Variants in CCDC12 observed in about 807,000 individuals in gnomAD.
The protein encoded by CCDC12 is coiled-coil domain containing 12, also known as coiled-coil domain-containing protein 12.
Under a neutral mutation model 25.7 loss-of-function variants are expected in CCDC12, and 28 were observed. The observed-to-expected ratio is 1.09, with a 90% CI of 0.81 to 1.50. CCDC12 has a LOEUF of 1.50. CCDC12 is among the 40% of genes most tolerant of loss of function. The pLI is 0.00. For synonymous variants in CCDC12, 75 were observed against 87.7 expected, an observed-to-expected ratio of 0.86 and a Z score of 0.81; for missense variants, 198 against 210.0, an observed-to-expected ratio of 0.94 and a Z score of 0.35.
intron 1 of CCDC12, among the ~76,000 whole-genome samples, chr3:46,949,662 G>A (rs574979522): frequency 6.6e-6 from 1 of 152,278 alleles, no homozygotes; most frequent in South Asian, 2.1e-4. Flanking sequence ...TTTAACAGGG[G>A]CATGTGAGGA....
chr3:46,979,178 C>T (rs1297521576), upstream of CCDC12, among the ~76,000 whole-genome samples: 1 of 152,200 alleles, frequency 6.6e-6, no homozygotes, highest in African/African-American at 2.4e-5. Context: ...GGGAGGGCAC[C>T]GCGGCCCCGA....
intron 1 of CCDC12, among the ~76,000 whole-genome samples, chr3:46,974,468 G>A (rs2034904682): frequency 6.6e-6 from 1 of 152,076 alleles, no homozygotes; most frequent in African/African-American, 2.4e-5. Context: ...CCTCAAACCC[G>A]GCCCCAATAA....
At chr3:46,978,089 A>C (rs1384115569), upstream of CCDC12, among the ~76,000 whole-genome samples, 1 of 152,052 alleles carries the variant, frequency 6.6e-6, no homozygotes, top group Non-Finnish European at 1.5e-5. Context: ...TTCCCTTCCC[A>C]AGCTGGCTAC....
In CCDC12 at chr3:46,949,824, C is replaced by A. The variant is rs529244647; in HGVS notation, c.97-8759G>T. On this transcript the variant is annotated intron_variant, in intron 1 of 6. Transcript: ENST00000683445. ...CAGGTGGATCATAAGGTCAGGAGTT[C>A]GAGACCAGCCTGGCCAATATGGTGA... Among the ~76,000 whole-genome samples, 4 of 152,166 alleles carry A rather than the reference C, an allele frequency of 2.6e-5. No individual in the cohort carries two copies. In the South Asian group the frequency reaches 6.2e-4, roughly 24 times the overall value.
intron 2 of CCDC12, among the ~76,000 whole-genome samples, chr3:46,934,131 T>C (rs1052767280): frequency 3.3e-5 from 5 of 152,242 alleles, no homozygotes; most frequent in African/African-American, 7.2e-5. Flanking sequence ...TAAACGTTTA[T>C]GGCAGATGAG....
intron 2 of CCDC12, among the ~76,000 whole-genome samples, chr3:46,928,946 A>G (rs74329600): frequency 1.8e-3 from 273 of 152,302 alleles, no homozygotes; most frequent in African/African-American, 6.3e-3. Context: ...AGCTATGATC[A>G]CACTCTGCAC....
intron 1 of CCDC12, among the ~76,000 whole-genome samples, chr3:46,944,409 C>T (rs2033827871): frequency 1.3e-5 from 2 of 152,230 alleles, no homozygotes; most frequent in Admixed American, 1.3e-4. Flanking sequence ...GATGCGGCCA[C>T]AGCCAGCCCA....
chr3:46,966,854 C>G (rs2034657237), intron 1 of CCDC12, among the ~76,000 whole-genome samples: 2 of 152,218 alleles, frequency 1.3e-5, no homozygotes, highest in Non-Finnish European at 2.9e-5. Context: ...GCTCACCTAT[C>G]ACCTTGTCTT....
intron 2 of CCDC12, among the ~76,000 whole-genome samples, chr3:46,939,976 GAT>G (rs2033628739): frequency 6.6e-6 from 1 of 152,156 alleles, no homozygotes; most frequent in African/African-American, 2.4e-5. Context: ...AGCCCATCAA[GAT>G]CTACACCCCC....
At chr3:46,960,254 A>G (rs1426574130) in intron 1 of CCDC12, among the ~76,000 whole-genome samples, 1 of 151,896 alleles carries the variant, frequency 6.6e-6, no homozygotes, top group Non-Finnish European at 1.5e-5. Flanking sequence ...CAACAATAAC[A>G]CTTGTAACAG....
intron 1 of CCDC12, among the ~76,000 whole-genome samples, chr3:46,941,929 T>C (rs1184351938): frequency 6.6e-6 from 1 of 152,248 alleles, no homozygotes; most frequent in African/African-American, 2.4e-5. Context: ...CCTAGGCCTA[T>C]GCTATATTCA....
At chr3:46,944,596 C>T (rs917620651) in intron 1 of CCDC12, among the ~76,000 whole-genome samples, 11 of 152,016 alleles carry the variant, frequency 7.2e-5, no homozygotes, top group African/African-American at 2.4e-4. Context: ...CATCTTCTCC[C>T]TCCTTCCCAA....
At position 46,925,663 on chromosome 3, in the gene CCDC12, AAGG is replaced by A; in HGVS notation, c.165-131_165-129del. Reference sequence around the variant, plus strand: ...CTGCACTCTCTGGAGATAGCCTGGTAAGGAGGAGAAGCACAGAATGGAGTGTCA... The same window carrying A: ...CTGCACTCTCTGGAGATAGCCTGGTAAGGAGAAGCACAGAATGGAGTGTCA... On this transcript the variant is annotated intron_variant, in intron 2 of 6. Transcript: ENST00000683445. The A allele has an allele frequency of 7.5e-6, 6 of 801,506 alleles. No individual in the cohort carries two copies. In the East Asian group the frequency reaches 8.2e-5, roughly 11 times the overall value. The allele number at this position is 801,506 out of a possible 1,614,324, so 49.6% of individuals were successfully genotyped here.
intron 1 of CCDC12, among the ~76,000 whole-genome samples, chr3:46,957,297 T>C (rs912910733): frequency 2.6e-5 from 4 of 152,200 alleles, no homozygotes; most frequent in African/African-American, 9.7e-5. Context: ...AACTGTAGTA[T>C]CTAGTACTCG....
At chr3:46,968,611 A>T (rs2034709489) in intron 1 of CCDC12, among the ~76,000 whole-genome samples, 1 of 152,174 alleles carries the variant, frequency 6.6e-6, no homozygotes, top group African/African-American at 2.4e-5. Flanking sequence ...AGTACCATAG[A>T]TGCGATTAAT....
intron 2 of CCDC12, among the ~76,000 whole-genome samples, chr3:46,931,284 G>C (rs756795116): frequency 1.3e-4 from 20 of 152,218 alleles, no homozygotes; most frequent in Non-Finnish European, 2.6e-4. Context: ...GCTGGCCAGG[G>C]AGGTTCAGGG....
chr3:46,921,809 T>C lies in CCDC12; in HGVS notation c.*248A>G, dbSNP rs888443155. 3.8e-5 allele frequency: 22 copies of C among 573,762 alleles called. No homozygotes were observed. Among genetic ancestry groups the C allele is most frequent in the Non-Finnish European group, 6.2e-5 (20 of 320,696 alleles). 35.5% of individuals were successfully genotyped at this position (573,762 alleles called of 1,614,324 possible). A position where few individuals can be genotyped will look rare whatever the true frequency, so the allele number is the denominator to read the frequency against. ...CAAAATATATACATATATACAGACA[T>C]ATGTACATCCACATGTGCAGACACA... On this transcript the variant is annotated 3_prime_UTR_variant, in exon 7 of 7. Coordinates refer to ENST00000683445, the MANE Select transcript of CCDC12 (RefSeq NM_001277074.2).
rs2032776573 is a variant in CCDC12, at chr3:46,923,378, GAC to G, written c.307-17_307-16del. 2 of 1,501,606 alleles carry G rather than the reference GAC, an allele frequency of 1.3e-6. No individual in the cohort carries two copies. The highest frequency in any genetic ancestry group is 1.4e-5 in the African/African-American group (1 of 71,024). The allele number at this position is 1,501,606 out of a possible 1,614,324, so 93.0% of individuals were successfully genotyped here. A position where few individuals can be genotyped will look rare whatever the true frequency, so the allele number is the denominator to read the frequency against. ...TTGGCCAGGTCCTGGGAAGGGAGGA[GAC>G]ACACATCAGGGTGGAGGGGCCACCC... On this transcript the variant is annotated splice_polypyrimidine_tract_variant and intron_variant, in intron 4 of 6. Transcript: ENST00000683445.
intron 1 of CCDC12, among the ~76,000 whole-genome samples, chr3:46,943,322 C>CA (rs563889493): frequency 6.6e-5 from 10 of 152,152 alleles, no homozygotes; most frequent in Admixed American, 6.5e-4. Context: ...CAAATTCTAG[C>CA]AAAAAATTCC....
Sources: gnomAD v4.1 joint callset for allele counts (sites outside exome capture counted in the v4.1 genomes callset) on GRCh38, gnomAD v4.1.1 for gene constraint, MANE v1.5 for transcripts, NCBI Gene and HGNC (gene_info 2026-07-23, HGNC 2026-07-21) for gene names.